The following STK3 variants were observed in gnomAD, a reference collection of about 807,000 sequenced individuals.
STK3 encodes serine/threonine kinase 3, also known as serine/threonine-protein kinase 3.
Under a neutral mutation model 58.0 loss-of-function variants are expected in STK3, and 41 were observed. The ratio of observed to expected loss-of-function variants is 0.71; its 90% confidence interval spans 0.55 to 0.92. The LOEUF (loss-of-function observed/expected upper bound fraction) is 0.92. Among genes scored for constraint, STK3 ranks in the 40% least tolerant of loss-of-function variants. The pLI is 0.00. For synonymous variants in STK3, 170 were observed against 191.0 expected (o/e 0.89, Z 0.91); for missense variants, 479 against 602.7 (o/e 0.79, Z 2.15).
At chr8:98,881,825 T>C (rs1188047626), downstream of STK3, 2 of 152,208 alleles carry the variant, frequency 1.3e-5, no homozygotes, top group Non-Finnish European at 2.9e-5. Context: ...TTTTATTTCT[T>C]ATTAATCGAA....
intron 4 of STK3, among the ~76,000 whole-genome samples, chr8:98,720,535 G>A (rs999464874): frequency 3.9e-5 from 6 of 152,112 alleles, no homozygotes; most frequent in Non-Finnish European, 8.8e-5. Context: ...TGGATCACAA[G>A]GTCAGGAGAT....
chr8:98,634,561 C>G (rs1819495824), intron 6 of STK3, among the ~76,000 whole-genome samples: 1 of 152,000 alleles, frequency 6.6e-6, no homozygotes, highest in Non-Finnish European at 1.5e-5. Flanking sequence ...TGGTTAATGG[C>G]ACCACCATCT....
chr8:98,905,274 G>A, intron 1 of STK3: 2 of 826,808 alleles, frequency 2.4e-6, no homozygotes, highest in Non-Finnish European at 4.3e-6. Flanking sequence ...TGTTGTCAAG[G>A]CCCCTGACGG....
At chr8:98,790,557 G>A (rs990035847) in intron 1 of STK3, among the ~76,000 whole-genome samples, 4 of 152,186 alleles carry the variant, frequency 2.6e-5, no homozygotes, top group Admixed American at 6.5e-5. Flanking sequence ...CACAGCCAAT[G>A]TAATACTGAA....
intron 8 of STK3, among the ~76,000 whole-genome samples, chr8:98,578,414 T>G (rs113081190): frequency 6.6e-6 from 1 of 152,226 alleles, no homozygotes; most frequent in Non-Finnish European, 1.5e-5. Context: ...CCTCACTAGG[T>G]AGTCCATGAC....
chr8:98,850,190 G>A (rs533543263), intron 3 of STK3, among the ~76,000 whole-genome samples: 2 of 152,028 alleles, frequency 1.3e-5, no homozygotes, highest in African/African-American at 2.4e-5. Context: ...TTTTAGAGAT[G>A]GAGTCTATGT....
chr8:98,536,440 G>T (rs550166004), intron 9 of STK3, among the ~76,000 whole-genome samples: 12 of 152,104 alleles, frequency 7.9e-5, no homozygotes, highest in African/African-American at 2.7e-4. Flanking sequence ...CAGTCTAGAT[G>T]ACAGAGTGAG....
At chr8:98,461,643 A>G (rs924048683) in intron 10 of STK3, among the ~76,000 whole-genome samples, 17 of 152,232 alleles carry the variant, frequency 1.1e-4, no homozygotes, top group Admixed American at 5.2e-4. Context: ...TTCATGATTC[A>G]GAACTCCTTT....
chr8:98,437,468 T>A (rs1818533446), intron 1 of STK3: 1 of 152,224 alleles, frequency 6.6e-6, no homozygotes, highest in African/African-American at 2.4e-5. Flanking sequence ...CTACACGGCA[T>A]GAGCGGGCAG....
At chr8:98,918,548 C>T (rs945421784) in intron 1 of STK3, among the ~76,000 whole-genome samples, 1 of 152,014 alleles carries the variant, frequency 6.6e-6, no homozygotes, top group Non-Finnish European at 1.5e-5. Context: ...GGCAGGAGGA[C>T]CGCTTGAGCC....
intron 3 of STK3, among the ~76,000 whole-genome samples, chr8:98,847,645 T>G (rs1836261406): frequency 6.6e-6 from 1 of 152,080 alleles, no homozygotes; most frequent in Non-Finnish European, 1.5e-5. Flanking sequence ...CAGCAGGAGG[T>G]GTCTGGAGGA....
chr8:98,757,544 G>A (rs1400782461), intron 3 of STK3, among the ~76,000 whole-genome samples: 14 of 147,780 alleles, frequency 9.5e-5, no homozygotes, highest in South Asian at 4.3e-4. Flanking sequence ...GCAGTGAGCC[G>A]AGGTCGCGCC....
intron 7 of STK3, among the ~76,000 whole-genome samples, chr8:98,594,128 C>A (rs917463116): frequency 2.6e-5 from 4 of 151,988 alleles, no homozygotes; most frequent in Admixed American, 2.6e-4. Flanking sequence ...GGTAACATGG[C>A]GAATCCTGTC....
At chr8:98,570,611 G>C (rs377713625) in intron 8 of STK3, among the ~76,000 whole-genome samples, 1 of 151,990 alleles carries the variant, frequency 6.6e-6, no homozygotes, top group Admixed American at 6.6e-5. Context: ...GGCAAAACCA[G>C]TAAGGGCAAC....
chr8:98,372,445 C>T (rs747893102), intron 2 of STK3, among the ~76,000 whole-genome samples: 13 of 152,196 alleles, frequency 8.5e-5, no homozygotes, highest in South Asian at 2.1e-4. Flanking sequence ...TCCTGTGAGA[C>T]GACGCAGACT....
chr8:98,413,420 C>T (rs1563595785), intron 3 of STK3: 6 of 565,032 alleles, frequency 1.1e-5, no homozygotes, highest in South Asian at 8.4e-5. Context: ...CCTGCTGATC[C>T]CTCACTTTCC....
intron 9 of STK3, among the ~76,000 whole-genome samples, chr8:98,535,019 G>T (rs181186736): frequency 6.6e-6 from 1 of 152,172 alleles, no homozygotes; most frequent in Non-Finnish European, 1.5e-5. Flanking sequence ...ATATTTAGTT[G>T]TAAGTTCTGT....
At chr8:98,350,706 T>C in the STK3 span, among the ~76,000 whole-genome samples, 1 of 152,178 alleles carries the variant, frequency 6.6e-6, no homozygotes, top group East Asian at 1.9e-4. Context: ...GAGAGCCAAA[T>C]GAAAGGGATT....
At chr8:98,813,273 T>A (rs1834343490) in intron 1 of STK3, among the ~76,000 whole-genome samples, 1 of 152,192 alleles carries the variant, frequency 6.6e-6, no homozygotes, top group East Asian at 1.9e-4. Flanking sequence ...AGAGCTGAGA[T>A]TAGAGCCAAC....
Sources: gnomAD v4.1 joint callset for allele counts (sites outside exome capture counted in the v4.1 genomes callset) on GRCh38, gnomAD v4.1.1 for gene constraint, MANE v1.5 for transcripts, NCBI Gene and HGNC (gene_info 2026-07-23, HGNC 2026-07-21) for gene names.